Variants in CALN1 observed in about 807,000 individuals in gnomAD.
CALN1 encodes calneuron 1.
In CALN1, 17 loss-of-function variants were observed where a neutral mutation model predicts 30.6. The ratio of observed to expected loss-of-function variants is 0.56; its 90% confidence interval spans 0.38 to 0.83. The LOEUF (loss-of-function observed/expected upper bound fraction) is 0.83, where lower values mean the gene tolerates loss of function less well. CALN1 is among the 40% of genes least tolerant of loss of function. CALN1 has a pLI of 0.00. For missense variants in CALN1, 291 were observed against 354.9 expected, an observed-to-expected ratio of 0.82 and a Z score of 1.45; for synonymous variants, 156 against 131.4, an observed-to-expected ratio of 1.19 and a Z score of -1.28.
intron 5 of CALN1, among the ~76,000 whole-genome samples, chr7:71,904,695 A>T (rs1408461826): frequency 6.6e-6 from 1 of 152,210 alleles, no homozygotes; most frequent in East Asian, 1.9e-4. Context: ...GGACAAATGC[A>T]TTCTCCACAA....
intron 3 of CALN1, among the ~76,000 whole-genome samples, chr7:72,107,995 T>G (rs1294384681): frequency 6.6e-6 from 1 of 152,144 alleles, no homozygotes; most frequent in Non-Finnish European, 1.5e-5. Flanking sequence ...TACCACAAAC[T>G]TGGTGATTTA....
intron 3 of CALN1, among the ~76,000 whole-genome samples, chr7:72,259,308 C>CT (rs1323901836): frequency 6.6e-6 from 1 of 151,966 alleles, no homozygotes; most frequent in East Asian, 1.9e-4. Flanking sequence ...GGGATAAACA[C>CT]TTTGAGTCCC....
chr7:71,863,709 G>C (rs1051262194), intron 5 of CALN1, among the ~76,000 whole-genome samples: 4 of 152,004 alleles, frequency 2.6e-5, no homozygotes, highest in Non-Finnish European at 5.9e-5. Context: ...CTACACAACT[G>C]ACTGTAAGAT....
chr7:72,190,906 A>G (rs1045041882), intron 3 of CALN1, among the ~76,000 whole-genome samples: 1 of 152,124 alleles, frequency 6.6e-6, no homozygotes, highest in African/African-American at 2.4e-5. Flanking sequence ...ATTGGCATTC[A>G]ATGGTATGTT....
chr7:71,822,537 C>T (rs776544244), intron 5 of CALN1, among the ~76,000 whole-genome samples: 9 of 152,190 alleles, frequency 5.9e-5, no homozygotes, highest in Non-Finnish European at 8.8e-5. Context: ...CGTGAGTCAC[C>T]GTGCCTGGCC....
intron 3 of CALN1, among the ~76,000 whole-genome samples, chr7:72,140,755 T>C (rs886282731): frequency 1.1e-4 from 16 of 152,326 alleles, no homozygotes; most frequent in Admixed American, 2.0e-4. Context: ...CAAATGAGTG[T>C]TCAAGACAAC....
chr7:72,172,694 C>T (rs905606881), intron 3 of CALN1, among the ~76,000 whole-genome samples: 4 of 152,146 alleles, frequency 2.6e-5, no homozygotes, highest in Non-Finnish European at 5.9e-5. Context: ...AAAATTCTTA[C>T]GACCATTTCA....
intron 5 of CALN1, among the ~76,000 whole-genome samples, chr7:71,849,850 C>G (rs888162057): frequency 2.0e-5 from 3 of 152,042 alleles, no homozygotes; most frequent in African/African-American, 7.2e-5. Flanking sequence ...CCAGGTTAGT[C>G]TCAGACTCCC....
intron 2 of CALN1, among the ~76,000 whole-genome samples, chr7:72,377,738 A>G (rs969037849): frequency 1.3e-5 from 2 of 152,138 alleles, no homozygotes; most frequent in Non-Finnish European, 2.9e-5. Flanking sequence ...TGAAACCCCA[A>G]ATTTCCCAGT....
At chr7:72,289,842 G>C (rs1206623721) in intron 2 of CALN1, among the ~76,000 whole-genome samples, 1 of 151,960 alleles carries the variant, frequency 6.6e-6, no homozygotes, top group Non-Finnish European at 1.5e-5. Flanking sequence ...TGTAATCCCA[G>C]CACTTTGGGA....
intron 5 of CALN1, among the ~76,000 whole-genome samples, chr7:71,954,473 TA>T (rs892092800): frequency 1.4e-4 from 21 of 148,766 alleles, no homozygotes; most frequent in East Asian, 2.0e-4. Flanking sequence ...AACTTAAAAT[TA>T]AAAAAAAAAT....
intron 2 of CALN1, among the ~76,000 whole-genome samples, chr7:72,347,518 G>A (rs761951288): frequency 3.9e-5 from 6 of 151,974 alleles, no homozygotes; most frequent in Admixed American, 1.3e-4. Context: ...CGCCAGCCTC[G>A]GCCTCCCAAA....
intron 2 of CALN1, among the ~76,000 whole-genome samples, chr7:72,304,975 G>C (rs1210434611): frequency 6.6e-6 from 1 of 152,212 alleles, no homozygotes; most frequent in Non-Finnish European, 1.5e-5. Context: ...GTGGGAGTAA[G>C]GCCCCAGGAA....
At chr7:72,368,181 G>GT (rs1803990346) in intron 2 of CALN1, among the ~76,000 whole-genome samples, 1 of 150,916 alleles carries the variant, frequency 6.6e-6, no homozygotes, top group African/African-American at 2.4e-5. Flanking sequence ...GTATATATGT[G>GT]TATCTGTATA....
intron 3 of CALN1, among the ~76,000 whole-genome samples, chr7:72,173,919 C>CA (rs1789156518): frequency 6.6e-6 from 1 of 151,792 alleles, no homozygotes; most frequent in Admixed American, 6.6e-5. Context: ...AATCATAACA[C>CA]AAAATACTGA....
At chr7:71,788,018 C>G in intron 6 of CALN1, 116 bp from the exon 7 acceptor site, 1 of 1,385,922 alleles carries the variant, frequency 7.2e-7, no homozygotes, top group South Asian at 1.3e-5. Flanking sequence ...AGCAGTGAGT[C>G]CTATAGGATG....
intron 2 of CALN1, chr7:72,336,656 A>AAG: frequency 2.0e-6 from 2 of 980,010 alleles, no homozygotes; most frequent in South Asian, 4.7e-5. Flanking sequence ...GGAAGAAGAA[A>AAG]AGAGAGCGCG....
the CALN1 span, among the ~76,000 whole-genome samples, chr7:72,487,730 AAAGAAAGG>A: frequency 1.2e-4 from 8 of 68,908 alleles, 1 homozygote; most frequent in South Asian, 4.1e-4. Context: ...AGAAAGAAAG[AAAGAAAGG>A]AAGGAAGGAA....
rs992091129 is a variant in CALN1 at position 72,373,980 on chromosome 7, G to A, written c.119+29271C>T. 4.6e-5 allele frequency among the ~76,000 whole-genome samples: 7 copies of A among 152,280 alleles called. No individual in the cohort carries two copies. In the East Asian group the frequency reaches 7.7e-4, roughly 17 times the overall value. ...GAAAAATATTTTGAAAGTGCTGAAAGGAAAGAATATTAAACCAAGAACTCT... is the reference window on the plus strand; with the variant it reads ...GAAAAATATTTTGAAAGTGCTGAAAAGAAAGAATATTAAACCAAGAACTCT... On this transcript the variant is annotated intron_variant, in intron 2 of 6. Transcript: ENST00000395275.
Sources: gnomAD v4.1 joint callset for allele counts (sites outside exome capture counted in the v4.1 genomes callset) on GRCh38, gnomAD v4.1.1 for gene constraint, MANE v1.5 for transcripts, NCBI Gene and HGNC (gene_info 2026-07-23, HGNC 2026-07-21) for gene names.